The following TBCD variants were observed in gnomAD, a reference collection of about 807,000 sequenced individuals.
The protein encoded by TBCD is tubulin-specific chaperone D.
In TBCD, 105 loss-of-function variants were observed where a neutral mutation model predicts 169.3. That is an observed-to-expected ratio of 0.62 (90% CI 0.53 to 0.73). The LOEUF is 0.73. Ranked by LOEUF, TBCD falls within the 30% of genes least tolerant of loss-of-function variation. The pLI is 0.00. For missense variants in TBCD, 1,444 were observed against 1,600.1 expected, an observed-to-expected ratio of 0.90 and a Z score of 1.66; for synonymous variants, 700 against 643.9, an observed-to-expected ratio of 1.09 and a Z score of -1.32.
At chr17:82,779,453 T>A (rs1453263082) in intron 6 of TBCD, among the ~76,000 whole-genome samples, 1 of 152,202 alleles carries the variant, frequency 6.6e-6, no homozygotes, top group Non-Finnish European at 1.5e-5. Context: ...AATAGGGACT[T>A]CTTTCCCCAT....
chr17:82,752,661 G>A (rs1008115364), intron 1 of TBCD, among the ~76,000 whole-genome samples: 5 of 152,312 alleles, frequency 3.3e-5, no homozygotes, highest in Admixed American at 2.0e-4. Flanking sequence ...GCCTCCCCGG[G>A]AGGCGGGGTG....
At chr17:82,854,516 G>C (rs1485587202) in intron 13 of TBCD, among the ~76,000 whole-genome samples, 1 of 152,232 alleles carries the variant, frequency 6.6e-6, no homozygotes, top group African/African-American at 2.4e-5. Context: ...AGATACTGTT[G>C]AAAACATCAG....
At chr17:82,901,468 C>T (rs117816180) in intron 18 of TBCD, among the ~76,000 whole-genome samples, 3,803 of 148,434 alleles carry the variant, frequency 0.026, 67 homozygotes, top group Non-Finnish European at 0.039. Context: ...GCCTGGGGAG[C>T]GGCCCGGCTG....
Position 82,789,966 on chromosome 17 carries a change from C to T in TBCD, c.772-7791C>T, listed in dbSNP as rs931080673. On this transcript the variant is annotated intron_variant, in intron 7 of 38. Transcript: ENST00000355528. The surrounding 1 kb of genome is among the most constrained non-coding windows in gnomAD (Gnocchi z 4.8). ...GGCTCATCCCCGAGACGCCGTGTTC[C>T]CTCCCGCTGTCCGCTCACACCTGCC... 2.0e-5 allele frequency among the ~76,000 whole-genome samples: 3 copies of T among 152,220 alleles called. No homozygotes were observed. The highest frequency in any genetic ancestry group is 1.3e-4 in the Admixed American group (2 of 15,290).
chr17:82,938,240 G>T lies in TBCD; in HGVS notation c.3369+104G>T. 2.3e-6 allele frequency: 3 copies of T among 1,317,440 alleles called. No individual in the cohort carries two copies. In the South Asian group the frequency reaches 3.8e-5, roughly 17 times the overall value. The allele number at this position is 1,317,440 out of a possible 1,614,324, so 81.6% of individuals were successfully genotyped here. A position where few individuals can be genotyped will look rare whatever the true frequency, so the allele number is the denominator to read the frequency against. ...TGTTGTGTTGGTGTGCTTTCCAGCC[G>T]AGCCCCTCTCGTTAACGCGCCTGGG... On this transcript the variant is annotated intron_variant, in intron 36 of 38. Transcript: ENST00000355528.
At chr17:82,838,506 C>G (rs559047521) in intron 13 of TBCD, 1 of 369,768 alleles carries the variant, frequency 2.7e-6, no homozygotes, top group South Asian at 1.1e-4. Context: ...GGAGCCTGCT[C>G]GGCTGGAGCA....
chr17:82,846,373 A>C (rs28675271), intron 13 of TBCD, among the ~76,000 whole-genome samples: 1,815 of 81,778 alleles, frequency 0.022, 19 homozygotes, highest in African/African-American at 0.058. Context: ...GCTGTGTCCC[A>C]TGTGCCGTGT....
chr17:82,929,608 T>A (rs1399032117), intron 32 of TBCD, 108 bp downstream of exon 32: 4 of 1,451,954 alleles, frequency 2.8e-6, no homozygotes, highest in South Asian at 1.2e-5. Context: ...TCCATTGCTT[T>A]CTATCTCTCT....
chr17:82,850,859 G>A (rs541940155), intron 13 of TBCD, among the ~76,000 whole-genome samples: 6 of 152,278 alleles, frequency 3.9e-5, no homozygotes, highest in South Asian at 4.1e-4. Context: ...GGACAGACCC[G>A]GTATCCTCCT....
At chr17:82,824,829 T>C (rs2052700154) in intron 13 of TBCD, among the ~76,000 whole-genome samples, 1 of 152,274 alleles carries the variant, frequency 6.6e-6, no homozygotes, top group South Asian at 2.1e-4. Context: ...GTGGTAATTC[T>C]ATGTTCAGCT....
intron 20 of TBCD, 70 bp from the exon 21 acceptor site, chr17:82,907,691 C>A: frequency 6.5e-7 from 1 of 1,549,262 alleles, no homozygotes; most frequent in Non-Finnish European, 8.9e-7. Context: ...GTGGCCTCAG[C>A]TCCTCCGAGT....
Position 82,937,185 on chromosome 17 carries a change from G to A in TBCD, c.3192-86G>A, listed in dbSNP as rs181670332. ...CTTGGACTGAGCCACTGGGAGGACG[G>A]AGTTGACCTTCTTTGAGACAGAAAA... is the stretch of plus-strand genomic sequence containing the variant. On this transcript the variant is annotated intron_variant, in intron 34 of 38. Transcript: ENST00000355528. 2.3e-4 allele frequency: 283 copies of A among 1,256,382 alleles called. No homozygotes were observed. In the East Asian group the frequency reaches 3.0e-3, roughly 13 times the overall value. 77.8% of individuals were successfully genotyped at this position (1,256,382 alleles called of 1,614,324 possible).
rs189603122 is a variant in TBCD at position 82,762,302 on chromosome 17, C to T, written c.236-1663C>T. 7.4e-3 allele frequency among the ~76,000 whole-genome samples: 818 copies of T among 110,966 alleles called. 13 individuals carry two copies. The highest frequency in any genetic ancestry group is 0.028 in the African/African-American group (737 of 26,402). 72.8% of individuals were successfully genotyped at this position (110,966 alleles called of 152,430 possible). A position where few individuals can be genotyped will look rare whatever the true frequency, so the allele number is the denominator to read the frequency against. ...CTGCACTCCAGCCTGGGTGATAGAG[C>T]GAGACTCCGTCTCAAAAAAAAAAAA... On this transcript the variant is annotated intron_variant, in intron 2 of 38. Coordinates refer to ENST00000355528, the MANE Select transcript of TBCD (RefSeq NM_005993.5).
chr17:82,755,995 C>T (rs1246058964), intron 1 of TBCD, among the ~76,000 whole-genome samples, 170 bp from the exon 2 acceptor site: 1 of 152,106 alleles, frequency 6.6e-6, no homozygotes, highest in Non-Finnish European at 1.5e-5. Context: ...GGGGCATTCC[C>T]TCCAGGTGGC....
At chr17:82,804,139 G>A (rs2050781388) in intron 9 of TBCD, among the ~76,000 whole-genome samples, 1 of 148,084 alleles carries the variant, frequency 6.8e-6, no homozygotes, top group Non-Finnish European at 1.5e-5. Context: ...GGGCTGGGGT[G>A]TGCCTGCCTG....
chr17:82,777,843 G>C (rs140937067), intron 6 of TBCD, among the ~76,000 whole-genome samples: 1 of 129,212 alleles, frequency 7.7e-6, no homozygotes, highest in Non-Finnish European at 1.7e-5. Context: ...AAACTCCCCC[G>C]GGGAAAGGGA....
intron 7 of TBCD, among the ~76,000 whole-genome samples, chr17:82,790,488 C>T (rs1196861896): frequency 2.0e-5 from 3 of 152,176 alleles, no homozygotes; most frequent in Non-Finnish European, 2.9e-5. Context: ...TTCCCCATCC[C>T]CCCGTGTGTC....
At chr17:82,754,910 C>G (rs1338803427) in intron 1 of TBCD, among the ~76,000 whole-genome samples, 2 of 152,176 alleles carry the variant, frequency 1.3e-5, no homozygotes, top group African/African-American at 4.8e-5. Flanking sequence ...CTGGATATGT[C>G]AACCAAAAAG....
At chr17:82,882,573 G>A (rs934431865) in intron 14 of TBCD, among the ~76,000 whole-genome samples, 3 of 152,242 alleles carry the variant, frequency 2.0e-5, no homozygotes, top group Non-Finnish European at 1.5e-5. Flanking sequence ...ATGAGGATAC[G>A]TGAGCCCCTT....
Sources: allele counts gnomAD v4.1 joint callset (sites outside exome capture counted in the v4.1 genomes callset), GRCh38; gene constraint gnomAD v4.1.1; non-coding constraint Gnocchi (gnomAD v3.1); transcripts MANE v1.5; gene names NCBI Gene and HGNC (gene_info 2026-07-23, HGNC 2026-07-21).